Variants in ARPC1B observed in about 807,000 individuals in gnomAD.
ARPC1B encodes actin related protein 2/3 complex subunit 1B, also known as actin-related protein 2/3 complex subunit 1B.
In ARPC1B, 29 loss-of-function variants were observed where a neutral mutation model predicts 46.0. The observed-to-expected ratio is 0.63, with a 90% CI of 0.47 to 0.86. ARPC1B has a LOEUF of 0.86. Ranked by LOEUF, ARPC1B falls within the 40% of genes least tolerant of loss-of-function variation. ARPC1B has a pLI of 0.00. For missense variants in ARPC1B, 469 were observed against 529.4 expected, an observed-to-expected ratio of 0.89 and a Z score of 1.12; for synonymous variants, 201 against 213.9, an observed-to-expected ratio of 0.94 and a Z score of 0.53.
intron 1 of ARPC1B, among the ~76,000 whole-genome samples, chr7:99,380,121 A>T (rs1353130373): frequency 6.6e-6 from 1 of 152,156 alleles, no homozygotes; most frequent in Non-Finnish European, 1.5e-5. Flanking sequence ...AGACATCCAG[A>T]GCAGGGTAAT....
intron 8 of ARPC1B, among the ~76,000 whole-genome samples, chr7:99,393,093 G>C (rs1017924769): frequency 3.3e-5 from 5 of 152,248 alleles, no homozygotes; most frequent in Non-Finnish European, 7.3e-5. Flanking sequence ...GGGCCGATTT[G>C]TGGGCGGGGC....
At chr7:99,390,824 A>C in intron 5 of ARPC1B, 69 bp from the exon 6 acceptor site, 3 of 1,393,478 alleles carry the variant, frequency 2.2e-6, no homozygotes, top group Non-Finnish European at 3.0e-6. Flanking sequence ...CAGCCTCCTG[A>C]GTAGCTGAGA....
In ARPC1B at chr7:99,391,016, C is replaced by CT. The variant is rs1164544535; in HGVS notation, c.625dup (p.Cys209LeufsTer22). ...GTAGCTGCGGCTGGGTACATGGCGT[C>CT]TGTTTCTCAGCCAGCGGGAGCCGCG... is the stretch of plus-strand genomic sequence containing the variant. On this transcript the variant is annotated frameshift_variant, in exon 6 of 10. Transcript: ENST00000646101. LOFTEE classifies it high-confidence loss of function. 4 of 1,613,884 alleles carry CT rather than the reference C, an allele frequency of 2.5e-6. No individual in the cohort carries two copies. Among genetic ancestry groups the CT allele is most frequent in the Non-Finnish European group, 1.7e-6 (2 of 1,180,040 alleles).
intron 1 of ARPC1B, among the ~76,000 whole-genome samples, chr7:99,382,676 A>G (rs1474967592): frequency 6.6e-6 from 1 of 152,022 alleles, no homozygotes; most frequent in Non-Finnish European, 1.5e-5. Flanking sequence ...GTCTCACTGT[A>G]TCGCCCATGC....
intron 1 of ARPC1B, among the ~76,000 whole-genome samples, chr7:99,381,641 C>T (rs527247307): frequency 1.3e-5 from 2 of 152,338 alleles, no homozygotes; most frequent in African/African-American, 4.8e-5. Context: ...CTCCAGGAAT[C>T]TTCCAGGACA....
intron 1 of ARPC1B, among the ~76,000 whole-genome samples, chr7:99,379,805 A>T (rs73148804): frequency 4.6e-4 from 65 of 142,034 alleles, no homozygotes; most frequent in Non-Finnish European, 9.2e-4. Context: ...TGCCTGGCTA[A>T]TTTTTTTTTT....
In ARPC1B at chr7:99,394,533, G is replaced by C; in HGVS notation, c.*44G>C. The C allele has an allele frequency of 6.2e-7, 1 of 1,613,778 alleles. No individual in the cohort carries two copies. The highest frequency in any genetic ancestry group is 8.5e-7 in the Non-Finnish European group (1 of 1,179,960). On this transcript the variant is annotated 3_prime_UTR_variant, in exon 10 of 10. Coordinates refer to ENST00000646101, the MANE Select transcript of ARPC1B (RefSeq NM_005720.4). ...CCTTCATCCTAGCTGCTGGGGAAGC[G>C]GGGAGAGGGGTCAGGGAGGCTAATG...
intron 4 of ARPC1B, 35 bp from the exon 5 acceptor site, chr7:99,389,870 C>T (rs748354296): frequency 1.3e-6 from 2 of 1,569,472 alleles, no homozygotes; most frequent in South Asian, 2.2e-5. Flanking sequence ...ACCTGCCTGT[C>T]CCTCTCTCCC....
In ARPC1B at chr7:99,387,738, A is replaced by T. The variant is rs1260761500; in HGVS notation, c.170-301A>T. On this transcript the variant is annotated intron_variant, in intron 3 of 9. Transcript: ENST00000646101. ...GGCGGCTGAGCGAGACTCTGTCTCAAAAAAAAAAAAAAAAAAAAAAGATTG... is the reference window on the plus strand; with the variant it reads ...GGCGGCTGAGCGAGACTCTGTCTCATAAAAAAAAAAAAAAAAAAAAGATTG... 5.3e-5 allele frequency among the ~76,000 whole-genome samples: 4 copies of T among 75,538 alleles called. No homozygotes were observed. The African/African-American group carries it at 2.2e-3, about 41-fold the overall frequency. The allele number at this position is 75,538 out of a possible 152,430, so 49.6% of individuals were successfully genotyped here. A position where few individuals can be genotyped will look rare whatever the true frequency, so the allele number is the denominator to read the frequency against.
intron 8 of ARPC1B, 145 bp downstream of exon 8, chr7:99,393,021 G>T (rs1794622164): frequency 1.1e-6 from 1 of 925,626 alleles, no homozygotes; most frequent in East Asian, 3.0e-5. Flanking sequence ...GGGTAGGCGT[G>T]CCCTCAACTC....
chr7:99,388,096 C>T lies in ARPC1B; in HGVS notation c.227C>T (p.Ala76Val). ...GTGACCTGCGGCACAGACCGCAACG[C>T]CTACGTGTGGACGCTGAAGGGCCGC... ...RIVTCGTDRNAYVWTLKGRTW... is the reference protein window; with the variant it reads ...RIVTCGTDRNVYVWTLKGRTW... Residue 76 changes from alanine (A) to valine (V), a missense_variant, in exon 4 of 10, where the codon GCC becomes GTC. Physicochemically the swap from Ala to Val is moderately conservative, Grantham distance 64 (BLOSUM62 0). Transcript: ENST00000646101. The T allele has an allele frequency of 6.2e-7, 1 of 1,614,130 alleles. No homozygotes were observed.
Position 99,391,030 on chromosome 7 carries a change from G to C in ARPC1B, c.638G>C (p.Ser213Thr). ...GTACATGGCGTCTGTTTCTCAGCCA[G>C]CGGGAGCCGCGTGGCCTGGGTAAGC... is the stretch of plus-strand genomic sequence containing the variant. ...GWVHGVCFSASGSRVAWVSHD... is the reference protein window; with the variant it reads ...GWVHGVCFSATGSRVAWVSHD... The change falls in exon 6 of 10, where the codon AGC becomes ACC. Residue 213 changes from serine to threonine, a missense_variant. By Grantham distance (58) the Ser-to-Thr change is moderately conservative. Coordinates refer to ENST00000646101, the MANE Select transcript of ARPC1B (RefSeq NM_005720.4). The C allele has an allele frequency of 1.2e-6, 2 of 1,613,942 alleles. No individual in the cohort carries two copies. Among genetic ancestry groups the C allele is most frequent in the Non-Finnish European group, 1.7e-6 (2 of 1,180,014 alleles).
rs1292564032 is a variant in ARPC1B at position 99,388,235 on chromosome 7, C to T, written c.366C>T (p.Ile122=). The change falls in exon 4 of 10, where the codon ATC becomes ATT. Residue 122 remains isoleucine (I), a synonymous_variant. Coordinates refer to ENST00000646101, the MANE Select transcript of ARPC1B (RefSeq NM_005720.4). ...AVGSGSRVIS[I]CYFEQENDWW... Reference sequence around the variant, plus strand: ...GCAGCGGCTCTCGTGTGATCTCCATCTGTTATTTCGAGCAGGAGAATGACT... The same window carrying T: ...GCAGCGGCTCTCGTGTGATCTCCATTTGTTATTTCGAGCAGGAGAATGACT... The T allele has an allele frequency of 6.2e-7, 1 of 1,614,120 alleles. No individual in the cohort carries two copies. The highest frequency in any genetic ancestry group is 1.1e-5 in the South Asian group (1 of 91,074).
intron 1 of ARPC1B, among the ~76,000 whole-genome samples, chr7:99,378,524 AAAAC>A (rs1340947069): frequency 6.6e-6 from 1 of 151,484 alleles, no homozygotes; most frequent in Non-Finnish European, 1.5e-5. Flanking sequence ...ACTAAAAACA[AAAAC>A]AAAAATTAGC....
At chr7:99,378,756 A>T (rs559970304) in intron 1 of ARPC1B, among the ~76,000 whole-genome samples, 1 of 150,320 alleles carries the variant, frequency 6.7e-6, no homozygotes, top group African/African-American at 2.5e-5. Context: ...GTGACCAAAG[A>T]ATGTTAATTT....
chr7:99,394,440 C>T lies in ARPC1B; in HGVS notation c.1081-11C>T. 6.2e-7 allele frequency: 1 copy of T among 1,610,650 alleles called. No homozygotes were observed. The highest frequency in any genetic ancestry group is 8.5e-7 in the Non-Finnish European group (1 of 1,177,048). The stretch of plus-strand genomic sequence containing the variant: ...GCTGAGAACCAGCCTGTCCGTTCTG[C>T]CTCCCTGCAGAGCTTGGAGTCAGCC... On this transcript the variant is annotated splice_polypyrimidine_tract_variant and intron_variant, in intron 9 of 9. Coordinates refer to ENST00000646101, the MANE Select transcript of ARPC1B (RefSeq NM_005720.4).
chr7:99,381,856 G>A (rs984478594), intron 1 of ARPC1B, among the ~76,000 whole-genome samples: 2 of 152,198 alleles, frequency 1.3e-5, no homozygotes, highest in Non-Finnish European at 2.9e-5. Flanking sequence ...AGGATGGGCC[G>A]GCCCCTGGGC....
At chr7:99,381,414 ATG>A (rs1446647001) in intron 1 of ARPC1B, among the ~76,000 whole-genome samples, 2 of 151,948 alleles carry the variant, frequency 1.3e-5, no homozygotes, top group East Asian at 3.9e-4. Context: ...TGCAGTGTGC[ATG>A]TGTGTGTGCA....
intron 2 of ARPC1B, chr7:99,386,425 G>T: frequency 1.7e-6 from 1 of 583,366 alleles, no homozygotes; most frequent in Non-Finnish European, 3.2e-6. Context: ...CAGGAGCAGC[G>T]AAGGGTTCCT....
Sources: gnomAD v4.1 joint callset for allele counts (sites outside exome capture counted in the v4.1 genomes callset) on GRCh38, gnomAD v4.1.1 for gene constraint, MANE v1.5 for transcripts, NCBI Gene and HGNC (gene_info 2026-07-23, HGNC 2026-07-21) for gene names.